Variants in ADAM12 observed in about 807,000 individuals in gnomAD.
The protein encoded by ADAM12 is disintegrin and metalloproteinase domain-containing protein 12.
ADAM12 carries 70 observed loss-of-function variants against 106.4 expected under a neutral mutation model. The ratio of observed to expected loss-of-function variants is 0.66; its 90% CI spans 0.54 to 0.80. The LOEUF (loss-of-function observed/expected upper bound fraction) is 0.80. ADAM12 is among the 30% of genes least tolerant of loss of function. The pLI, the probability that ADAM12 is intolerant of heterozygous loss-of-function variation, is 0.00. For synonymous variants in ADAM12, 420 were observed against 433.5 expected (o/e 0.97, Z 0.39); for missense variants, 1,010 against 1,171.9 (o/e 0.86, Z 2.02).
intron 1 of ADAM12, among the ~76,000 whole-genome samples, chr10:126,335,687 G>A (rs1229741958): frequency 6.6e-6 from 1 of 151,972 alleles, no homozygotes. Flanking sequence ...TAACGTAAGT[G>A]AAGGATCCAC....
intron 3 of ADAM12, among the ~76,000 whole-genome samples, chr10:126,173,100 C>T (rs1957149214): frequency 6.6e-6 from 1 of 152,084 alleles, no homozygotes; most frequent in Non-Finnish European, 1.5e-5. Context: ...ACACTGGGGC[C>T]TGTCACAGGG....
intron 1 of ADAM12, among the ~76,000 whole-genome samples, chr10:126,368,594 C>A (rs1419906305): frequency 6.6e-6 from 1 of 151,714 alleles, no homozygotes; most frequent in African/African-American, 2.4e-5. Context: ...TGTAAGAAAG[C>A]AGCATAAAAC....
intron 3 of ADAM12, among the ~76,000 whole-genome samples, chr10:126,207,908 C>T (rs910102512): frequency 2.6e-5 from 4 of 152,008 alleles, no homozygotes; most frequent in African/African-American, 9.7e-5. Context: ...ATGAAAAACA[C>T]TAAAAGGAAA....
chr10:126,134,947 T>A (rs1956377725), intron 5 of ADAM12, among the ~76,000 whole-genome samples: 1 of 152,238 alleles, frequency 6.6e-6, no homozygotes, highest in African/African-American at 2.4e-5. Flanking sequence ...TGGAAATTTA[T>A]CAAACAAAAT....
At chr10:126,262,958 C>T (rs951962094) in intron 3 of ADAM12, among the ~76,000 whole-genome samples, 1 of 152,192 alleles carries the variant, frequency 6.6e-6, no homozygotes, top group African/African-American at 2.4e-5. Context: ...AATCTCCCAA[C>T]AAAATGGACT....
intron 3 of ADAM12, among the ~76,000 whole-genome samples, chr10:126,237,367 AAT>A (rs1958439078): frequency 6.6e-6 from 1 of 152,170 alleles, no homozygotes; most frequent in South Asian, 2.1e-4. Context: ...TTCTCAGAAA[AAT>A]AGAGGGGACT....
intron 6 of ADAM12, among the ~76,000 whole-genome samples, chr10:126,114,519 G>A (rs998033547): frequency 1.3e-5 from 2 of 152,086 alleles, no homozygotes; most frequent in African/African-American, 4.8e-5. Context: ...CACTCTTGTC[G>A]CCCAGGCTAG....
chr10:126,049,441 A>G lies in ADAM12; in HGVS notation c.1729T>C (p.Cys577Arg). 6.2e-7 allele frequency: 1 copy of G among 1,614,212 alleles called. No individual in the cohort carries two copies. Among genetic ancestry groups the G allele is most frequent in the Non-Finnish European group, 8.5e-7 (1 of 1,180,032 alleles). The change falls in exon 16 of 23, where the codon TGT becomes CGT. Residue 577 changes from cysteine to arginine, a missense_variant. By Grantham distance (180) the Cys-to-Arg change is radical. Transcript: ENST00000448723. The surrounding 1 kb of genome is among the most constrained non-coding windows in gnomAD (Gnocchi z 4.4). ...FAKCEMRDAK[C>R]GKIQCQGGAS... ...CCTCCTTGACACTGGATTTTTCCAC[A>G]TTTAGCATCTCTGGAAGGGTAAGAA...
chr10:126,292,690 A>C (rs1354741564), intron 2 of ADAM12, among the ~76,000 whole-genome samples: 2 of 152,230 alleles, frequency 1.3e-5, no homozygotes, highest in Non-Finnish European at 2.9e-5. Flanking sequence ...CCCTGTCATG[A>C]CTGCTCAACT....
chr10:126,362,992 C>T (rs1231884329), intron 1 of ADAM12, among the ~76,000 whole-genome samples: 1 of 152,074 alleles, frequency 6.6e-6, no homozygotes, highest in African/African-American at 2.4e-5. Context: ...TATGTTAAGT[C>T]ACTTGATTTA....
At chr10:126,184,129 T>G (rs1957360311) in intron 3 of ADAM12, among the ~76,000 whole-genome samples, 1 of 152,202 alleles carries the variant, frequency 6.6e-6, no homozygotes, top group Admixed American at 6.5e-5. Context: ...CAGAAATATT[T>G]CAGCCCCTTC....
At chr10:126,229,912 G>A (rs146968231) in intron 3 of ADAM12, among the ~76,000 whole-genome samples, 29 of 150,740 alleles carry the variant, frequency 1.9e-4, no homozygotes, top group East Asian at 6.0e-4. Context: ...GGCCGCTGCC[G>A]CACTCTAGTA....
intron 12 of ADAM12, among the ~76,000 whole-genome samples, chr10:126,067,302 A>G (rs994812886): frequency 2.0e-5 from 3 of 152,250 alleles, no homozygotes; most frequent in South Asian, 2.1e-4. Context: ...ATTCCCTGCA[A>G]TCTCGCCAGG....
At chr10:126,300,002 G>C (rs866236633) in intron 2 of ADAM12, among the ~76,000 whole-genome samples, 1 of 152,084 alleles carries the variant, frequency 6.6e-6, no homozygotes, top group Non-Finnish European at 1.5e-5. Context: ...CACCATCTTC[G>C]AAGTATTCCT....
Position 126,056,371 on chromosome 10 carries a change from T to TAG in ADAM12, c.1610-6704_1610-6703dup, listed in dbSNP as rs565806397. ...TTCATCAGCCATGTAAACACGGGGATAGGACAGATGCATTTCTCTATGGAA... is the reference window on the plus strand; with the variant it reads ...TTCATCAGCCATGTAAACACGGGGATAGAGGACAGATGCATTTCTCTATGGAA... On this transcript the variant is annotated intron_variant, in intron 14 of 22. Coordinates refer to ENST00000448723, the MANE Select transcript of ADAM12 (RefSeq NM_001288973.2). Among the ~76,000 whole-genome samples, 582 of 152,296 alleles carry TAG rather than the reference T, an allele frequency of 3.8e-3. 9 individuals carry two copies. The highest frequency in any genetic ancestry group is 5.0e-3 in the Non-Finnish European group (340 of 68,016).
At chr10:126,037,111 G>A (rs1050206927) in intron 20 of ADAM12, among the ~76,000 whole-genome samples, 1 of 152,108 alleles carries the variant, frequency 6.6e-6, no homozygotes, top group Admixed American at 6.5e-5. Context: ...GGATCACAGA[G>A]TATATACTCT....
intron 2 of ADAM12, among the ~76,000 whole-genome samples, chr10:126,291,510 C>A (rs2133780104): frequency 6.6e-6 from 1 of 152,336 alleles, no homozygotes; most frequent in African/African-American, 2.4e-5. Flanking sequence ...TCATAAAGAT[C>A]TTGCAAAGAG....
intron 2 of ADAM12, among the ~76,000 whole-genome samples, chr10:126,328,336 G>A (rs1031096161): frequency 2.6e-5 from 4 of 152,140 alleles, no homozygotes; most frequent in African/African-American, 4.8e-5. Context: ...AGCAGGCACC[G>A]TTGTTCTGCA....
At chr10:126,134,636 G>A (rs116114625) in intron 5 of ADAM12, among the ~76,000 whole-genome samples, 299 of 152,372 alleles carry the variant, frequency 2.0e-3, no homozygotes, top group African/African-American at 7.0e-3. Context: ...GCTGGCTGGA[G>A]TAGAAGTGAG....
Sources: gnomAD v4.1 joint callset for allele counts (sites outside exome capture counted in the v4.1 genomes callset) on GRCh38, gnomAD v4.1.1 for gene constraint, Gnocchi (gnomAD v3.1) non-coding constraint, MANE v1.5 for transcripts, NCBI Gene and HGNC (gene_info 2026-07-23, HGNC 2026-07-21) for gene names.